Variants in MIR2052HG observed in about 807,000 individuals in gnomAD.
The protein encoded by MIR2052HG is MIR2052 host gene.
chr8:74,653,249 A>C (rs1246749537), intron 2 of MIR2052HG, among the ~76,000 whole-genome samples: 1 of 152,210 alleles, frequency 6.6e-6, no homozygotes, highest in East Asian at 1.9e-4. Context: ...AAGTGGGCAG[A>C]AATTGAGCTT....
chr8:74,720,498 G>A (rs1809565009), intron 4 of MIR2052HG, among the ~76,000 whole-genome samples: 1 of 152,056 alleles, frequency 6.6e-6, no homozygotes, highest in African/African-American at 2.4e-5. Flanking sequence ...TGACATATTT[G>A]TCAAATGATC....
intron 2 of MIR2052HG, among the ~76,000 whole-genome samples, chr8:74,622,132 GA>G (rs1363722460): frequency 1.3e-5 from 2 of 152,106 alleles, no homozygotes; most frequent in African/African-American, 4.8e-5. Context: ...GGAATGGGAA[GA>G]AATATTTGCA....
At chr8:74,622,351 C>T (rs906700912) in intron 2 of MIR2052HG, among the ~76,000 whole-genome samples, 1 of 152,142 alleles carries the variant, frequency 6.6e-6, no homozygotes, top group African/African-American at 2.4e-5. Context: ...TGCCTGTAAT[C>T]CCAGCATTTT....
intron 1 of MIR2052HG, chr8:74,609,736 A>AAAT (rs1018741435): frequency 6.1e-5 from 9 of 148,758 alleles, no homozygotes; most frequent in East Asian, 3.9e-4. Context: ...AATAATAAAT[A>AAAT]AATAATAATA....
intron 2 of MIR2052HG, among the ~76,000 whole-genome samples, chr8:74,698,773 G>A (rs951775466): frequency 6.6e-6 from 1 of 152,160 alleles, no homozygotes; most frequent in East Asian, 1.9e-4. Context: ...ACACACCAGT[G>A]CCTCTTAGGG....
At chr8:74,745,394 A>G (rs760528391) in intron 4 of MIR2052HG, among the ~76,000 whole-genome samples, 4 of 152,254 alleles carry the variant, frequency 2.6e-5, no homozygotes, top group Non-Finnish European at 5.9e-5. Context: ...ATATGGCTCC[A>G]TTAAACTTCT....
intron 4 of MIR2052HG, among the ~76,000 whole-genome samples, chr8:74,737,538 G>A (rs570508466): frequency 6.6e-6 from 1 of 152,250 alleles, no homozygotes; most frequent in African/African-American, 2.4e-5. Context: ...CTCTACCAGT[G>A]ACAACACCTC....
At chr8:74,672,839 T>C (rs967712351) in intron 2 of MIR2052HG, among the ~76,000 whole-genome samples, 4 of 152,114 alleles carry the variant, frequency 2.6e-5, no homozygotes, top group African/African-American at 9.7e-5. Flanking sequence ...TTCTTCAAAG[T>C]ATAATTGTAG....
At chr8:74,602,592 ACCTCTG>A (rs1415920973) in intron 1 of MIR2052HG, among the ~76,000 whole-genome samples, 1 of 151,026 alleles carries the variant, frequency 6.6e-6, no homozygotes, top group Admixed American at 6.6e-5. Context: ...GCTCTCTGCA[ACCTCTG>A]CCTCCTGGGT....
At chr8:74,618,146 T>A (rs1808311100) in intron 2 of MIR2052HG, among the ~76,000 whole-genome samples, 1 of 152,252 alleles carries the variant, frequency 6.6e-6, no homozygotes, top group South Asian at 2.1e-4. Context: ...CTTTAAGCAC[T>A]ATTTAGAAAC....
At chr8:74,757,068 G>A (rs1214369424) in intron 5 of MIR2052HG, 1 of 152,262 alleles carries the variant, frequency 6.6e-6, no homozygotes, top group Non-Finnish European at 1.5e-5. Context: ...TTATAGGCAT[G>A]GATGTGGAGG....
intron 2 of MIR2052HG, among the ~76,000 whole-genome samples, chr8:74,649,510 T>C (rs1199151465): frequency 6.6e-6 from 1 of 151,934 alleles, no homozygotes; most frequent in East Asian, 1.9e-4. Flanking sequence ...TGAATATGAA[T>C]ATATTTACAT....
At chr8:74,620,387 C>A (rs2081498) in intron 2 of MIR2052HG, among the ~76,000 whole-genome samples, 7,000 of 152,284 alleles carry the variant, frequency 0.046, 241 homozygotes, top group South Asian at 0.082. Context: ...GTGGGGTCAC[C>A]AACCTCACGT....
At chr8:74,664,089 G>C (rs1447385274) in intron 2 of MIR2052HG, among the ~76,000 whole-genome samples, 3 of 152,060 alleles carry the variant, frequency 2.0e-5, no homozygotes, top group African/African-American at 7.2e-5. Flanking sequence ...GCAAAGGCAT[G>C]CAGAGTGGAA....
chr8:74,692,581 T>C (rs1809250264), intron 2 of MIR2052HG, among the ~76,000 whole-genome samples: 1 of 152,260 alleles, frequency 6.6e-6, no homozygotes. Context: ...TTTATGTTTA[T>C]ATATTTATTT....
intron 4 of MIR2052HG, among the ~76,000 whole-genome samples, chr8:74,720,476 T>C (rs73339270): frequency 0.14 from 20,745 of 152,170 alleles, 3,565 homozygotes; most frequent in African/African-American, 0.4. Context: ...AAATATACCA[T>C]GGAATCACAA....
chr8:74,602,518 TTC>T (rs1338197904), intron 1 of MIR2052HG, among the ~76,000 whole-genome samples: 11 of 150,802 alleles, frequency 7.3e-5, no homozygotes, highest in Non-Finnish European at 5.9e-5. Flanking sequence ...TTTTCTTTCT[TTC>T]TTTTTTTTTT....
chr8:74,679,628 C>T (rs1809098163), intron 2 of MIR2052HG, among the ~76,000 whole-genome samples: 1 of 151,608 alleles, frequency 6.6e-6, no homozygotes, highest in African/African-American at 2.4e-5. Flanking sequence ...TGGGTTCAAG[C>T]AATTCTACCT....
chr8:74,722,870 T>C (rs1203541533), intron 4 of MIR2052HG, among the ~76,000 whole-genome samples: 1 of 152,218 alleles, frequency 6.6e-6, no homozygotes, highest in African/African-American at 2.4e-5. Flanking sequence ...ACGGCTAGTA[T>C]GTAGCAAAGG....
Sources: allele counts gnomAD v4.1 joint callset (sites outside exome capture counted in the v4.1 genomes callset), GRCh38; gene constraint gnomAD v4.1.1; transcripts MANE v1.5; gene names NCBI Gene and HGNC (gene_info 2026-07-23, HGNC 2026-07-21).